Variants in PTPRC observed in about 807,000 individuals in gnomAD.
PTPRC encodes protein tyrosine phosphatase receptor type C, also known as receptor-type tyrosine-protein phosphatase C.
PTPRC carries 44 observed loss-of-function variants against 155.9 expected under a neutral mutation model. The observed-to-expected ratio is 0.28, with a 90% CI of 0.22 to 0.36. The LOEUF (loss-of-function observed/expected upper bound fraction) is 0.36. Ranked by LOEUF, PTPRC falls within the 10% of genes least tolerant of loss-of-function variation. PTPRC has a pLI of 1.00. For synonymous variants in PTPRC, 525 were observed against 533.1 expected, an observed-to-expected ratio of 0.98 and a Z score of 0.21; for missense variants, 1,401 against 1,564.6, an observed-to-expected ratio of 0.90 and a Z score of 1.76.
intron 2 of PTPRC, among the ~76,000 whole-genome samples, chr1:198,643,927 G>A (rs1662789305): frequency 6.6e-6 from 1 of 151,918 alleles, no homozygotes; most frequent in South Asian, 2.1e-4. Flanking sequence ...TTTGTAGAGA[G>A]CTGGGAATAA....
intron 12 of PTPRC, among the ~76,000 whole-genome samples, chr1:198,713,795 G>C (rs562708348): frequency 6.6e-6 from 1 of 152,236 alleles, no homozygotes; most frequent in South Asian, 2.1e-4. Flanking sequence ...TTATCCATAG[G>C]TTAAAATAGG....
At chr1:198,719,854 G>A (rs1006871558) in intron 14 of PTPRC, among the ~76,000 whole-genome samples, 50 of 152,004 alleles carry the variant, frequency 3.3e-4, no homozygotes, top group Non-Finnish European at 6.2e-4. Flanking sequence ...CAAGTAATCC[G>A]CCTGCCTCAG....
At chr1:198,698,539 A>G (rs936343074) in intron 4 of PTPRC, among the ~76,000 whole-genome samples, 1 of 152,114 alleles carries the variant, frequency 6.6e-6, no homozygotes, top group Non-Finnish European at 1.5e-5. Flanking sequence ...CATTTCTAAG[A>G]ATATTATTAC....
At chr1:198,659,992 T>C (rs1663854018) in intron 2 of PTPRC, among the ~76,000 whole-genome samples, 1 of 139,370 alleles carries the variant, frequency 7.2e-6, no homozygotes, top group Non-Finnish European at 1.6e-5. Context: ...AGATTATATC[T>C]ATATAAATAT....
At chr1:198,667,733 A>G (rs1664402795) in intron 2 of PTPRC, among the ~76,000 whole-genome samples, 1 of 152,226 alleles carries the variant, frequency 6.6e-6, no homozygotes, top group South Asian at 2.1e-4. Flanking sequence ...CACATATACA[A>G]ACTGTCAATT....
chr1:198,748,099 T>C lies in PTPRC; in HGVS notation c.2848-10T>C. ...TAAAGGAGTTTTTCTGTTTTTTTTT[T>C]TTTTTTCAGAGACTTCCTTCATATA... is the stretch of plus-strand genomic sequence containing the variant. On this transcript the variant is annotated splice_polypyrimidine_tract_variant and intron_variant, in intron 26 of 32. Coordinates refer to ENST00000442510, the MANE Select transcript of PTPRC (RefSeq NM_002838.5). 1 of 1,587,756 alleles carries C rather than the reference T, an allele frequency of 6.3e-7. No individual in the cohort carries two copies. The highest frequency in any genetic ancestry group is 1.2e-5 in the South Asian group (1 of 86,852).
At chr1:198,674,681 C>CTA (rs1414367207) in intron 2 of PTPRC, among the ~76,000 whole-genome samples, 1 of 151,766 alleles carries the variant, frequency 6.6e-6, no homozygotes, top group East Asian at 1.9e-4. Context: ...TGAATCTATG[C>CTA]TATGCTTTGC....
At chr1:198,652,722 C>A (rs749755537) in intron 2 of PTPRC, among the ~76,000 whole-genome samples, 8 of 151,592 alleles carry the variant, frequency 5.3e-5, no homozygotes, top group Non-Finnish European at 7.4e-5. Context: ...ACCCAGGAGT[C>A]CATCCAGAGG....
intron 15 of PTPRC, among the ~76,000 whole-genome samples, chr1:198,724,546 T>C (rs1654039847): frequency 6.6e-6 from 1 of 152,166 alleles, no homozygotes; most frequent in African/African-American, 2.4e-5. Flanking sequence ...CAAAAAAAAT[T>C]TTTATTCTGC....
chr1:198,666,666 G>C (rs1471319281), intron 2 of PTPRC, among the ~76,000 whole-genome samples: 1 of 152,034 alleles, frequency 6.6e-6, no homozygotes, highest in African/African-American at 2.4e-5. Context: ...AGAAATTAAA[G>C]GCATAAATTA....
intron 23 of PTPRC, among the ~76,000 whole-genome samples, chr1:198,735,677 C>A (rs540054147): frequency 3.1e-4 from 47 of 151,616 alleles, no homozygotes; most frequent in African/African-American, 1.1e-3. Flanking sequence ...TCTAACTATG[C>A]AGCAGAGATA....
intron 23 of PTPRC, among the ~76,000 whole-genome samples, chr1:198,740,957 A>T (rs1654873662): frequency 6.6e-6 from 1 of 151,858 alleles, no homozygotes; most frequent in Non-Finnish European, 1.5e-5. Flanking sequence ...GACTTAGTCT[A>T]TATATCTCCG....
intron 2 of PTPRC, among the ~76,000 whole-genome samples, chr1:198,683,600 T>C (rs1390830916): frequency 6.6e-6 from 1 of 152,048 alleles, no homozygotes; most frequent in Admixed American, 6.6e-5. Context: ...AACCCTTGTT[T>C]CCATCATAAT....
chr1:198,733,408 T>C (rs1654485978), intron 20 of PTPRC, among the ~76,000 whole-genome samples: 1 of 151,816 alleles, frequency 6.6e-6, no homozygotes, highest in African/African-American at 2.4e-5. Flanking sequence ...TAAATACTTA[T>C]TAAATAAATG....
intron 25 of PTPRC, 74 bp from the exon 26 acceptor site, chr1:198,743,980 A>T: frequency 2.2e-6 from 3 of 1,394,252 alleles, no homozygotes; most frequent in Non-Finnish European, 3.0e-6. Flanking sequence ...TGGGGAATGT[A>T]TATTTTATTT....
intron 2 of PTPRC, chr1:198,679,451 C>T (rs1665169582): frequency 1.4e-5 from 2 of 146,314 alleles, no homozygotes; most frequent in South Asian, 2.1e-4. Flanking sequence ...CGGGGTTTTA[C>T]CATGTTGGCC....
intron 2 of PTPRC, among the ~76,000 whole-genome samples, chr1:198,665,233 G>C (rs1664221091): frequency 6.6e-6 from 1 of 151,168 alleles, no homozygotes; most frequent in East Asian, 1.9e-4. Flanking sequence ...GGGACTACAG[G>C]CGCCCGCCGC....
intron 3 of PTPRC, chr1:198,694,663 T>C: frequency 1.0e-6 from 1 of 982,908 alleles, no homozygotes; most frequent in Non-Finnish European, 1.2e-6. Flanking sequence ...ATCAAGTCTA[T>C]AATGATGACA....
intron 2 of PTPRC, among the ~76,000 whole-genome samples, chr1:198,666,638 C>A (rs12069812): frequency 0.038 from 5,759 of 152,136 alleles, 344 homozygotes; most frequent in African/African-American, 0.13. Context: ...TTTATTCTGG[C>A]TTAGAAAGAC....
Sources: gnomAD v4.1 joint callset for allele counts (sites outside exome capture counted in the v4.1 genomes callset) on GRCh38, gnomAD v4.1.1 for gene constraint, MANE v1.5 for transcripts, NCBI Gene and HGNC (gene_info 2026-07-23, HGNC 2026-07-21) for gene names.